Variants in PRKRIP1 observed in about 807,000 individuals in gnomAD.
PRKRIP1 encodes the protein PRKR-interacting protein 1.
In PRKRIP1, 29 loss-of-function variants were observed where a neutral mutation model predicts 29.3. The ratio of observed to expected loss-of-function variants is 0.99; its 90% CI spans 0.74 to 1.35. PRKRIP1 has a LOEUF of 1.35. Among genes scored for constraint, PRKRIP1 ranks in the 40% most tolerant of loss-of-function variants. The probability of loss-of-function intolerance (pLI) is 0.00; values close to 1 mark genes in which losing one functional copy is unlikely to be tolerated. For synonymous variants in PRKRIP1, 90 were observed against 85.1 expected (o/e 1.06, Z -0.32); for missense variants, 247 against 236.8 (o/e 1.04, Z -0.28).
chr7:102,408,683 G>A (rs1421143267), intron 5 of PRKRIP1, among the ~76,000 whole-genome samples: 1 of 152,186 alleles, frequency 6.6e-6, no homozygotes, highest in Non-Finnish European at 1.5e-5. Flanking sequence ...GTGGTTTTTG[G>A]TTTTAGGGTG....
At chr7:102,406,146 C>T (rs1294033049) in intron 4 of PRKRIP1, among the ~76,000 whole-genome samples, 2 of 152,186 alleles carry the variant, frequency 1.3e-5, no homozygotes, top group Non-Finnish European at 2.9e-5. Flanking sequence ...GTGCTGGCTG[C>T]AGGCATTGGA....
At chr7:102,401,925 C>A (rs549567120) in intron 3 of PRKRIP1, among the ~76,000 whole-genome samples, 1 of 152,050 alleles carries the variant, frequency 6.6e-6, no homozygotes, top group African/African-American at 2.4e-5. Flanking sequence ...GAAAAAATGT[C>A]CTGCTCTGGA....
chr7:102,404,756 C>A, intron 4 of PRKRIP1, 73 bp downstream of exon 4: 1 of 1,111,598 alleles, frequency 9.0e-7, no homozygotes, highest in Non-Finnish European at 1.4e-6. Flanking sequence ...TCCTTGCAGT[C>A]AGTAGTAGTT....
intron 1 of PRKRIP1, 49 bp from the exon 2 acceptor site, chr7:102,397,571 T>A: frequency 6.8e-7 from 1 of 1,464,574 alleles, no homozygotes; most frequent in Non-Finnish European, 9.5e-7. Flanking sequence ...AGATATATAA[T>A]TTTGTCAACA....
Position 102,425,048 on chromosome 7 carries a change from C to G in PRKRIP1, c.492C>G (p.Ser164Arg). Residue 164 changes from serine (S) to arginine (R), a missense_variant, in exon 6 of 6, where the codon AGC becomes AGG. Coordinates refer to ENST00000397912, the MANE Select transcript of PRKRIP1 (RefSeq NM_024653.4). ...AGCCCAAGGAGCAGGGGTCCAGCAGCTCTGCGGAGGCATCTGGAACAGAGG... is the reference window on the plus strand; with the variant it reads ...AGCCCAAGGAGCAGGGGTCCAGCAGGTCTGCGGAGGCATCTGGAACAGAGG... Reference protein sequence around the residue: ...PGQPKEQGSSSSAEASGTEEE... With the variant: ...PGQPKEQGSSRSAEASGTEEE... 3.1e-6 allele frequency: 5 copies of G among 1,613,806 alleles called. No individual in the cohort carries two copies. The highest frequency in any genetic ancestry group is 4.2e-6 in the Non-Finnish European group (5 of 1,179,962).
rs1796799673 is a variant in PRKRIP1, at chr7:102,425,122, C to T, written c.*11C>T. ...ACCATGGGGCGATGACAATGTTTGCCACAGCCTCTGCCTGGAACCTGGCTC... is the reference window on the plus strand; with the variant it reads ...ACCATGGGGCGATGACAATGTTTGCTACAGCCTCTGCCTGGAACCTGGCTC... On this transcript the variant is annotated 3_prime_UTR_variant, in exon 6 of 6. Transcript: ENST00000397912. 1.2e-6 allele frequency: 2 copies of T among 1,608,754 alleles called. No individual in the cohort carries two copies. Among genetic ancestry groups the T allele is most frequent in the African/African-American group, 2.7e-5 (2 of 74,888 alleles).
chr7:102,398,268 TTTTTG>T (rs1274063208), intron 2 of PRKRIP1, among the ~76,000 whole-genome samples: 1 of 130,000 alleles, frequency 7.7e-6, no homozygotes, highest in African/African-American at 3.0e-5. Context: ...ATTGCGGTTT[TTTTTG>T]TTTTTGTTTT....
At chr7:102,408,934 G>A (rs1796301950) in intron 5 of PRKRIP1, among the ~76,000 whole-genome samples, 1 of 151,658 alleles carries the variant, frequency 6.6e-6, no homozygotes, top group Non-Finnish European at 1.5e-5. Context: ...AGCACTTTGG[G>A]AAGCCAAGGC....
intron 5 of PRKRIP1, among the ~76,000 whole-genome samples, chr7:102,411,809 T>G (rs1796390525): frequency 7.0e-6 from 1 of 142,722 alleles, no homozygotes; most frequent in African/African-American, 2.6e-5. Context: ...ATTTTCTGTT[T>G]TTTTTTTTGT....
At chr7:102,400,074 G>A (rs1276191393) in intron 3 of PRKRIP1, among the ~76,000 whole-genome samples, 1 of 151,644 alleles carries the variant, frequency 6.6e-6, no homozygotes, top group Non-Finnish European at 1.5e-5. Flanking sequence ...AGTTGTGGCT[G>A]GTGTGAGGTC....
chr7:102,405,182 C>T (rs1796181617), intron 4 of PRKRIP1, among the ~76,000 whole-genome samples: 1 of 152,210 alleles, frequency 6.6e-6, no homozygotes, highest in Admixed American at 6.5e-5. Context: ...CTGCTTCGGC[C>T]TCCCAAAGTG....
intron 3 of PRKRIP1, among the ~76,000 whole-genome samples, chr7:102,404,085 A>G (rs1796143785): frequency 6.6e-6 from 1 of 152,214 alleles, no homozygotes; most frequent in Non-Finnish European, 1.5e-5. Context: ...ACGATCTATC[A>G]AGCCCAGGAG....
chr7:102,420,772 T>C (rs1796671914), intron 5 of PRKRIP1, among the ~76,000 whole-genome samples: 1 of 152,196 alleles, frequency 6.6e-6, no homozygotes, highest in Non-Finnish European at 1.5e-5. Context: ...TTTTGAACAC[T>C]GACATGACGC....
Position 102,419,895 on chromosome 7 carries a change from G to GTT in PRKRIP1, c.458-5115_458-5114dup, listed in dbSNP as rs1455496805. On this transcript the variant is annotated intron_variant, in intron 5 of 5. Coordinates refer to ENST00000397912, the MANE Select transcript of PRKRIP1 (RefSeq NM_024653.4). The stretch of plus-strand genomic sequence containing the variant: ...TGTGTGTGTGTGTGTGTGTGTGTGT[G>GTT]TTTTTGAGATGGAGTCTCTCTGTCG... Among the ~76,000 whole-genome samples the GTT allele has an allele frequency of 2.9e-3, 369 of 127,804 alleles. 1 individual carries two copies. The highest frequency in any genetic ancestry group is 0.01 in the African/African-American group (345 of 33,194). The allele number at this position is 127,804 out of a possible 152,430, so 83.8% of individuals were successfully genotyped here. A position where few individuals can be genotyped will look rare whatever the true frequency, so the allele number is the denominator to read the frequency against.
In PRKRIP1 at chr7:102,418,890, T is replaced by TA. The variant is rs555065561; in HGVS notation, c.458-6123dup. ...TTAAAAAAAAAATTTGAGACGATGT[T>TA]ACATTTTATCGCCCAAGCTGGTCTT... On this transcript the variant is annotated intron_variant, in intron 5 of 5. Transcript: ENST00000397912. Among the ~76,000 whole-genome samples the TA allele has an allele frequency of 6.9e-3, 1,052 of 152,092 alleles. 10 individuals carry two copies. The highest frequency in any genetic ancestry group is 0.03 in the South Asian group (146 of 4,814).
chr7:102,404,312 C>T (rs558988668), intron 3 of PRKRIP1: 143 of 278,406 alleles, frequency 5.1e-4, no homozygotes, highest in Admixed American at 8.0e-4. Flanking sequence ...GCGCTGCCCT[C>T]AGAGTGTCCT....
intron 5 of PRKRIP1, among the ~76,000 whole-genome samples, chr7:102,416,569 C>T (rs1796554894): frequency 6.6e-6 from 1 of 152,140 alleles, no homozygotes; most frequent in Non-Finnish European, 1.5e-5. Flanking sequence ...CTGATTTTCT[C>T]ATGATTTGAC....
chr7:102,411,455 G>T (rs1356973832), intron 5 of PRKRIP1, among the ~76,000 whole-genome samples: 1 of 151,892 alleles, frequency 6.6e-6, no homozygotes, highest in African/African-American at 2.4e-5. Context: ...TGCAATCTTG[G>T]CTCACTGCAA....
chr7:102,411,375 GT>G (rs1373623577), intron 5 of PRKRIP1, among the ~76,000 whole-genome samples: 10 of 147,970 alleles, frequency 6.8e-5, no homozygotes, highest in Admixed American at 1.4e-4. Context: ...CTGGCTGCTT[GT>G]TTTTTTTTTG....
Sources: allele counts gnomAD v4.1 joint callset (sites outside exome capture counted in the v4.1 genomes callset), GRCh38; gene constraint gnomAD v4.1.1; transcripts MANE v1.5; gene names NCBI Gene and HGNC (gene_info 2026-07-23, HGNC 2026-07-21).